The following ANKRD30BL variants were observed in gnomAD, a reference collection of about 807,000 sequenced individuals.
The protein encoded by ANKRD30BL is putative ankyrin repeat domain-containing protein 30B-like.
A neutral mutation model predicts 18.4 loss-of-function variants in ANKRD30BL; 20 were observed. The ratio of observed to expected loss-of-function variants is 1.09; its 90% CI spans 0.77 to 1.58. ANKRD30BL has a LOEUF of 1.58. Ranked by LOEUF, ANKRD30BL falls within the 40% of genes most tolerant of loss-of-function variation. ANKRD30BL has a pLI of 0.00. For missense variants in ANKRD30BL, 224 were observed against 268.6 expected, an observed-to-expected ratio of 0.83 and a Z score of 1.16; for synonymous variants, 72 against 100.9, an observed-to-expected ratio of 0.71 and a Z score of 1.72.
intron 2 of ANKRD30BL, 80 bp downstream of exon 2, chr2:132,157,229 T>C: frequency 9.4e-7 from 1 of 1,065,548 alleles, no homozygotes; most frequent in Non-Finnish European, 1.3e-6. Context: ...ACCAGTTATA[T>C]TTCAATGAGA....
chr2:132,182,436 T>G (rs1688483779), intron 1 of ANKRD30BL, among the ~76,000 whole-genome samples: 1 of 149,872 alleles, frequency 6.7e-6, no homozygotes, highest in Non-Finnish European at 1.5e-5. Context: ...GAGCCAAGAC[T>G]GCACCACTGA....
chr2:132,230,702 A>G (rs1010930299), intron 1 of ANKRD30BL, among the ~76,000 whole-genome samples: 11 of 152,130 alleles, frequency 7.2e-5, no homozygotes, highest in Admixed American at 5.9e-4. Context: ...TTGTGCATTA[A>G]ACTCACAGAT....
chr2:132,249,375 A>T (rs1270754307), intron 1 of ANKRD30BL, among the ~76,000 whole-genome samples: 2 of 151,856 alleles, frequency 1.3e-5, no homozygotes, highest in Non-Finnish European at 2.9e-5. Flanking sequence ...TGTTTCCAAA[A>T]TGCTCAATCA....
chr2:132,165,939 G>GAT (rs1327787651), upstream of ANKRD30BL, among the ~76,000 whole-genome samples: 1 of 151,910 alleles, frequency 6.6e-6, no homozygotes, highest in Non-Finnish European at 1.5e-5. Context: ...CATTAAGTAT[G>GAT]ATAGTTTTAG....
At chr2:132,151,714 A>G (rs1334093650) in intron 4 of ANKRD30BL, among the ~76,000 whole-genome samples, 1 of 152,006 alleles carries the variant, frequency 6.6e-6, no homozygotes, top group Non-Finnish European at 1.5e-5. Context: ...TAGATGTTCT[A>G]TTCTTTGTGG....
chr2:132,227,288 T>G (rs1029534047), intron 1 of ANKRD30BL, among the ~76,000 whole-genome samples: 2 of 152,130 alleles, frequency 1.3e-5, no homozygotes, highest in Admixed American at 1.3e-4. Context: ...AACTTTCTTT[T>G]GATAGAACAG....
rs968137388 is a variant in ANKRD30BL at position 132,191,523 on chromosome 2, T to C, written n.442-34377A>G. Among the ~76,000 whole-genome samples, 30 of 152,262 alleles carry C rather than the reference T, an allele frequency of 2.0e-4. 1 individual carries two copies. Among genetic ancestry groups the C allele is most frequent in the African/African-American group, 7.2e-4 (30 of 41,552 alleles). On this transcript the variant is annotated intron_variant and non_coding_transcript_variant, in intron 1 of 4. Coordinates refer to the ANKRD30BL transcript ENST00000470729. ...AAATATGATAATTCAGGGTGTTGTA[T>C]GTCCTCTCAAACATTCAGAATTGAC... is the stretch of plus-strand genomic sequence containing the variant.
intron 1 of ANKRD30BL, among the ~76,000 whole-genome samples, chr2:132,222,360 CCAT>C (rs1480137062): frequency 2.6e-5 from 4 of 152,062 alleles, no homozygotes; most frequent in Non-Finnish European, 5.9e-5. Context: ...TGGGGATGGG[CCAT>C]GATGACAATG....
At chr2:132,151,620 A>T (rs1573796627) in intron 4 of ANKRD30BL, among the ~76,000 whole-genome samples, 1 of 151,706 alleles carries the variant, frequency 6.6e-6, no homozygotes, top group Non-Finnish European at 1.5e-5. Context: ...AATTACAAAA[A>T]AAAAACAAAA....
chr2:132,226,366 A>G (rs960735243), intron 1 of ANKRD30BL, among the ~76,000 whole-genome samples: 14 of 150,342 alleles, frequency 9.3e-5, no homozygotes, highest in African/African-American at 3.5e-4. Context: ...CATAAAAACT[A>G]GACAGAGGAA....
intron 1 of ANKRD30BL, 33 bp from the exon 2 acceptor site, chr2:132,157,456 T>TA (rs753924761): frequency 2.2e-5 from 13 of 599,434 alleles, no homozygotes; most frequent in Middle Eastern, 7.7e-4. Flanking sequence ...AAGGAAAGTT[T>TA]AGTCCACTGT....
At chr2:132,234,622 C>T (rs1300090895) in intron 1 of ANKRD30BL, among the ~76,000 whole-genome samples, 2 of 152,096 alleles carry the variant, frequency 1.3e-5, no homozygotes, top group Admixed American at 6.6e-5. Flanking sequence ...ATACACTCTC[C>T]CAAGACTAAA....
intron 1 of ANKRD30BL, among the ~76,000 whole-genome samples, chr2:132,159,171 C>T (rs1464337594): frequency 6.6e-6 from 1 of 151,910 alleles, no homozygotes; most frequent in African/African-American, 2.4e-5. Context: ...TGAACTTTAC[C>T]CTCACTTGAT....
intron 1 of ANKRD30BL, among the ~76,000 whole-genome samples, chr2:132,235,736 T>A (rs975116745): frequency 4.6e-5 from 7 of 152,048 alleles, no homozygotes; most frequent in African/African-American, 1.7e-4. Context: ...GTAGGAAGAA[T>A]CAATATCATG....
intron 1 of ANKRD30BL, among the ~76,000 whole-genome samples, chr2:132,222,048 G>T (rs1425427432): frequency 2.3e-5 from 3 of 131,428 alleles, no homozygotes; most frequent in South Asian, 2.4e-4. Context: ...GGAGGCGGGG[G>T]GGGGGGTCGG....
intron 4 of ANKRD30BL, among the ~76,000 whole-genome samples, chr2:132,151,954 C>T (rs1431398202): frequency 6.6e-6 from 1 of 152,012 alleles, no homozygotes; most frequent in African/African-American, 2.4e-5. Flanking sequence ...TGCTTAGTCA[C>T]TATGTTCATT....
intron 1 of ANKRD30BL, among the ~76,000 whole-genome samples, chr2:132,238,675 A>G (rs1005719246): frequency 1.3e-5 from 2 of 152,018 alleles, no homozygotes; most frequent in African/African-American, 2.4e-5. Context: ...TGTGTACTCA[A>G]CTCACAGATT....
chr2:132,174,636 G>A (rs72614488), intron 1 of ANKRD30BL, among the ~76,000 whole-genome samples: 22,151 of 152,130 alleles, frequency 0.15, 2,183 homozygotes, highest in East Asian at 0.46. Context: ...TACAAGAGGC[G>A]GCTAAATATC....
intron 1 of ANKRD30BL, among the ~76,000 whole-genome samples, chr2:132,168,617 G>A (rs1453701057): frequency 6.6e-6 from 1 of 152,136 alleles, no homozygotes; most frequent in Admixed American, 6.5e-5. Context: ...TTAGTTAAAA[G>A]ATGAATAAAT....
Sources: allele counts gnomAD v4.1 joint callset (sites outside exome capture counted in the v4.1 genomes callset), GRCh38; gene constraint gnomAD v4.1.1; transcripts MANE v1.5; gene names NCBI Gene and HGNC (gene_info 2026-07-23, HGNC 2026-07-21).